Variants in ADAMTSL1 observed in about 807,000 individuals in gnomAD.
ADAMTSL1 encodes the protein ADAMTS-like protein 1.
ADAMTSL1 carries 126 observed loss-of-function variants against 201.8 expected under a neutral mutation model. The ratio of observed to expected loss-of-function variants is 0.62; its 90% CI spans 0.54 to 0.72. ADAMTSL1 has a LOEUF of 0.72. Ranked by LOEUF, ADAMTSL1 falls within the 30% of genes least tolerant of loss-of-function variation. ADAMTSL1 has a pLI of 0.00. For missense variants in ADAMTSL1, 2,679 were observed against 2,277.8 expected, an observed-to-expected ratio of 1.18 and a Z score of -3.59; for synonymous variants, 1,121 against 903.4, an observed-to-expected ratio of 1.24 and a Z score of -4.32.
chr9:18,625,235 C>G lies in ADAMTSL1; in HGVS notation c.601+2866C>G, dbSNP rs1204873149. 6.6e-5 allele frequency among the ~76,000 whole-genome samples: 10 copies of G among 152,118 alleles called. No individual in the cohort carries two copies. The East Asian group carries it at 1.7e-3, about 27-fold the overall frequency. On this transcript the variant is annotated intron_variant, in intron 5 of 28. Coordinates refer to ENST00000380548, the MANE Select transcript of ADAMTSL1 (RefSeq NM_001040272.6). Reference sequence around the variant, plus strand: ...TCAAACTTCTGGCACTCAGATTCCCCACATTGAACTCACTTTCTTTCTGAA... The same window carrying G: ...TCAAACTTCTGGCACTCAGATTCCCGACATTGAACTCACTTTCTTTCTGAA...
intron 19 of ADAMTSL1, among the ~76,000 whole-genome samples, chr9:18,783,376 C>T (rs1821516218): frequency 1.3e-5 from 2 of 152,252 alleles, no homozygotes; most frequent in Admixed American, 6.5e-5. Context: ...TGTAGACTCC[C>T]ACATCCTCCC....
chr9:18,821,809 G>C (rs186546175), intron 21 of ADAMTSL1, among the ~76,000 whole-genome samples: 51 of 152,252 alleles, frequency 3.3e-4, no homozygotes, highest in African/African-American at 1.1e-3. Context: ...ACCCCACCTT[G>C]AGATGTTGAC....
intron 1 of ADAMTSL1, among the ~76,000 whole-genome samples, chr9:17,958,086 T>C (rs181131402): frequency 6.6e-6 from 1 of 152,186 alleles, no homozygotes; most frequent in African/African-American, 2.4e-5. Flanking sequence ...CTTTTCCTTC[T>C]AGTCCTCTTT....
At chr9:18,494,187 C>G (rs1169351803) in intron 1 of ADAMTSL1, among the ~76,000 whole-genome samples, 3 of 152,068 alleles carry the variant, frequency 2.0e-5, no homozygotes, top group African/African-American at 7.2e-5. Context: ...GAAACCCTGT[C>G]TCTATTAAAA....
chr9:18,170,588 G>A (rs910732074), intron 2 of ADAMTSL1, among the ~76,000 whole-genome samples: 1 of 151,854 alleles, frequency 6.6e-6, no homozygotes, highest in Admixed American at 6.6e-5. Flanking sequence ...GAAGCCTATG[G>A]GACCAATAAT....
intron 2 of ADAMTSL1, among the ~76,000 whole-genome samples, chr9:18,363,204 A>G (rs1446754423): frequency 2.0e-5 from 3 of 152,224 alleles, no homozygotes; most frequent in African/African-American, 4.8e-5. Flanking sequence ...CTTTCTGTCT[A>G]GATGAGGTGT....
intron 1 of ADAMTSL1, among the ~76,000 whole-genome samples, chr9:17,983,095 G>A (rs1263916898): frequency 5.8e-5 from 4 of 69,110 alleles, no homozygotes; most frequent in Non-Finnish European, 8.1e-5. Flanking sequence ...TTTTGAGACT[G>A]AATCTTGCTC....
At chr9:17,922,245 G>A (rs1246208521) in intron 1 of ADAMTSL1, among the ~76,000 whole-genome samples, 1 of 152,074 alleles carries the variant, frequency 6.6e-6, no homozygotes, top group Non-Finnish European at 1.5e-5. Context: ...GGGGTGAGTA[G>A]CGCACGTGCT....
intron 1 of ADAMTSL1, among the ~76,000 whole-genome samples, chr9:18,158,218 G>A (rs776370848): frequency 5.3e-5 from 8 of 151,790 alleles, no homozygotes; most frequent in Non-Finnish European, 1.2e-4. Flanking sequence ...CTTCTGATTG[G>A]CAAATATGAG....
At chr9:18,869,466 G>A (rs1827753000) in intron 23 of ADAMTSL1, among the ~76,000 whole-genome samples, 1 of 152,110 alleles carries the variant, frequency 6.6e-6, no homozygotes, top group African/African-American at 2.4e-5. Flanking sequence ...GAAAACAGTT[G>A]TTTCATACAT....
At chr9:18,491,156 T>C (rs1822252554) in intron 1 of ADAMTSL1, among the ~76,000 whole-genome samples, 1 of 152,192 alleles carries the variant, frequency 6.6e-6, no homozygotes, top group African/African-American at 2.4e-5. Flanking sequence ...GTGAGGCAAA[T>C]GGGGTAGTAA....
Position 18,229,035 on chromosome 9 carries a change from A to G in ADAMTSL1, c.207+65054A>G, listed in dbSNP as rs183687486. ...TAGACCTCCATGGTGGCATCATCCA[A>G]AAATTTAACATGGGTAATTATATAG... On this transcript the variant is annotated intron_variant, in intron 2 of 29. Transcript: ENST00000680146. Among the ~76,000 whole-genome samples, 280 of 152,200 alleles carry G rather than the reference A, an allele frequency of 1.8e-3. 3 individuals carry two copies. Among genetic ancestry groups the G allele is most frequent in the African/African-American group, 6.5e-3 (268 of 41,538 alleles).
chr9:17,961,687 G>C (rs1817757989), intron 1 of ADAMTSL1, among the ~76,000 whole-genome samples: 1 of 152,156 alleles, frequency 6.6e-6, no homozygotes, highest in Admixed American at 6.6e-5. Flanking sequence ...TTTTTATGTG[G>C]AGCAGGCTTT....
chr9:18,312,486 T>G (rs2132800077), intron 2 of ADAMTSL1, among the ~76,000 whole-genome samples: 1 of 152,282 alleles, frequency 6.6e-6, no homozygotes, highest in Non-Finnish European at 1.5e-5. Flanking sequence ...GCACTGGCCT[T>G]GGCCTTGAAC....
At chr9:18,297,279 A>G (rs141598718) in intron 2 of ADAMTSL1, among the ~76,000 whole-genome samples, 2,481 of 152,204 alleles carry the variant, frequency 0.016, 22 homozygotes, top group Non-Finnish European at 0.025. Flanking sequence ...TTTTGTTAGG[A>G]GGAACTGGTT....
rs770688698 is a variant in ADAMTSL1 at position 18,622,290 on chromosome 9, C to A, written c.522C>A (p.Asn174Lys). The A allele has an allele frequency of 4.3e-6, 7 of 1,614,040 alleles. No individual in the cohort carries two copies. Among genetic ancestry groups the A allele is most frequent in the Non-Finnish European group, 5.9e-6 (7 of 1,179,962 alleles). ...TGGGAAGCACCGTCAAGGAAGATAA[C>A]TGTGGGGTCTGCAACGGAGATGGGT... Reference protein sequence around the residue: ...HQLGSTVKEDNCGVCNGDGST... With the variant: ...HQLGSTVKEDKCGVCNGDGST... The change falls in exon 5 of 29, where the codon AAC becomes AAA. Residue 174 changes from asparagine to lysine, a missense_variant. Transcript: ENST00000380548.
chr9:18,858,851 G>A (rs1827030291), intron 23 of ADAMTSL1, among the ~76,000 whole-genome samples: 1 of 152,190 alleles, frequency 6.6e-6, no homozygotes, highest in African/African-American at 2.4e-5. Flanking sequence ...CAAGCTTTGG[G>A]AACTCCATAA....
rs1228758412 is a variant in ADAMTSL1 at position 18,777,629 on chromosome 9, C to T, written c.3400C>T (p.Pro1134Ser). ...ERRTSPVTLS[P>S]HKHVSGFSSS... ...CAGGACTTCCCCAGTGACTCTCTCG[C>T]CTCATAAACACGTGTCTGGCTTCAG... Residue 1134 changes from proline to serine, a missense_variant, in exon 19 of 29, where the codon CCT becomes TCT. Pro to Ser is a moderately conservative substitution (Grantham distance 74, BLOSUM62 -1). Coordinates refer to ENST00000380548, the MANE Select transcript of ADAMTSL1 (RefSeq NM_001040272.6). The T allele has an allele frequency of 3.1e-6, 5 of 1,613,622 alleles. No individual in the cohort carries two copies. Among genetic ancestry groups the T allele is most frequent in the South Asian group, 1.1e-5 (1 of 91,064 alleles).
chr9:17,954,329 A>G (rs56116908), intron 1 of ADAMTSL1, among the ~76,000 whole-genome samples: 6,744 of 152,352 alleles, frequency 0.044, 227 homozygotes, highest in Non-Finnish European at 0.06. Flanking sequence ...ATGCAAGTCA[A>G]TAAGGCCAGC....
Sources: allele counts gnomAD v4.1 joint callset (sites outside exome capture counted in the v4.1 genomes callset), GRCh38; gene constraint gnomAD v4.1.1; transcripts MANE v1.5; gene names NCBI Gene and HGNC (gene_info 2026-07-23, HGNC 2026-07-21).